The following USP30 variants were observed in gnomAD, a reference collection of about 807,000 sequenced individuals.
The protein encoded by USP30 is ubiquitin specific peptidase 30.
Under a neutral mutation model 68.2 loss-of-function variants are expected in USP30, and 41 were observed. The observed-to-expected ratio is 0.60, with a 90% CI of 0.47 to 0.78. The LOEUF is 0.78. USP30 is among the 30% of genes least tolerant of loss of function. USP30 has a pLI of 0.00. For missense variants in USP30, 522 were observed against 649.4 expected, an observed-to-expected ratio of 0.80 and a Z score of 2.13; for synonymous variants, 229 against 253.7, an observed-to-expected ratio of 0.90 and a Z score of 0.93.
chr12:109,054,729 CTG>C (rs1247532337), intron 1 of USP30: 1 of 152,144 alleles, frequency 6.6e-6, no homozygotes, highest in Non-Finnish European at 1.5e-5. Context: ...GATGAGGAAA[CTG>C]AGGCTTAGAA....
intron 6 of USP30, 30 bp downstream of exon 6, chr12:109,072,380 T>C: frequency 4.4e-6 from 7 of 1,599,380 alleles, no homozygotes; most frequent in Non-Finnish European, 6.0e-6. Context: ...ATATAACACA[T>C]AAGATGTGGA....
At chr12:109,060,320 TACTTCA>T (rs1264737770) in intron 3 of USP30, among the ~76,000 whole-genome samples, 32 of 152,362 alleles carry the variant, frequency 2.1e-4, no homozygotes, top group African/African-American at 7.7e-4. Flanking sequence ...AAAAAAACTA[TACTTCA>T]ACTTTTAACA....
chr12:109,046,841 T>G (rs2040609446), intron 3 of USP30, among the ~76,000 whole-genome samples: 1 of 152,076 alleles, frequency 6.6e-6, no homozygotes, highest in East Asian at 1.9e-4. Flanking sequence ...GGATTACAGG[T>G]GTGCGCCATC....
At chr12:109,033,678 C>G (rs1376341920) in intron 3 of USP30, among the ~76,000 whole-genome samples, 1 of 152,110 alleles carries the variant, frequency 6.6e-6, no homozygotes, top group Non-Finnish European at 1.5e-5. Flanking sequence ...GTCTGCTAGC[C>G]ATGCTGATGG....
chr12:109,059,124 G>GC (rs1275828743), intron 3 of USP30, among the ~76,000 whole-genome samples: 4 of 152,178 alleles, frequency 2.6e-5, no homozygotes, highest in African/African-American at 9.7e-5. Context: ...CTGAATGGTA[G>GC]CCCCCAACTT....
At chr12:109,031,785 GT>G (rs2040483283) in intron 3 of USP30, among the ~76,000 whole-genome samples, 1 of 152,140 alleles carries the variant, frequency 6.6e-6, no homozygotes, top group African/African-American at 2.4e-5. Flanking sequence ...CTTATATGAG[GT>G]CTCAAAAGTA....
chr12:109,025,182 G>T (rs1566073061), intron 2 of USP30: 2 of 152,224 alleles, frequency 1.3e-5, no homozygotes, highest in Admixed American at 1.3e-4. Context: ...GCCCCCTTGG[G>T]TTTTTGGGCC....
intron 7 of USP30, among the ~76,000 whole-genome samples, chr12:109,080,340 T>G (rs1407453778): frequency 6.6e-6 from 1 of 152,132 alleles, no homozygotes; most frequent in East Asian, 1.9e-4. Context: ...CACACAAATC[T>G]CGCCCACAGA....
chr12:109,071,273 G>A (rs888875782), intron 4 of USP30, among the ~76,000 whole-genome samples: 1 of 152,072 alleles, frequency 6.6e-6, no homozygotes, highest in African/African-American at 2.4e-5. Flanking sequence ...TAAATGTTAT[G>A]ATATGTGTAT....
chr12:109,078,911 A>G (rs926673225), intron 7 of USP30, among the ~76,000 whole-genome samples: 1 of 152,112 alleles, frequency 6.6e-6, no homozygotes, highest in African/African-American at 2.4e-5. Flanking sequence ...CTTTAAGGAC[A>G]TTGTTCTATT....
intron 3 of USP30, among the ~76,000 whole-genome samples, chr12:109,058,801 G>A (rs183034184): frequency 3.3e-5 from 5 of 152,208 alleles, no homozygotes; most frequent in Middle Eastern, 3.4e-3. Flanking sequence ...TGTTCGACTC[G>A]ACCATCATCA....
chr12:109,065,263 C>T lies in USP30; in HGVS notation c.377-2261C>T, dbSNP rs576287710. ...CTCTAGCAGTACTGGTCTAGTGTAA[C>T]ATGCTGGGAAGGAGGGTGGCCAAGA... On this transcript the variant is annotated intron_variant, in intron 3 of 12. Transcript: ENST00000257548. 3.3e-5 allele frequency among the ~76,000 whole-genome samples: 5 copies of T among 152,320 alleles called. No individual in the cohort carries two copies. In the East Asian group the frequency reaches 7.7e-4, roughly 23 times the overall value.
At chr12:109,038,309 T>C (rs2040536895) in intron 3 of USP30, among the ~76,000 whole-genome samples, 1 of 151,536 alleles carries the variant, frequency 6.6e-6, no homozygotes, top group African/African-American at 2.4e-5. Flanking sequence ...ATCAGCTCCA[T>C]CCATGTCTCT....
intron 2 of USP30, chr12:109,027,409 A>G (rs969843290): frequency 2.6e-5 from 4 of 152,196 alleles, no homozygotes; most frequent in Non-Finnish European, 4.4e-5. Flanking sequence ...AGTGGCTGGA[A>G]CTACAGGTGC....
intron 3 of USP30, among the ~76,000 whole-genome samples, chr12:109,060,484 G>A (rs558359306): frequency 6.6e-6 from 1 of 152,186 alleles, no homozygotes; most frequent in African/African-American, 2.4e-5. Context: ...TGGAAGAGGT[G>A]ACTTGGGAAT....
In USP30 at chr12:109,054,983, C is replaced by T. The variant is rs550654697; in HGVS notation, c.84-1699C>T. On this transcript the variant is annotated intron_variant, in intron 1 of 12. Coordinates refer to ENST00000257548, the MANE Select transcript of USP30 (RefSeq NM_032663.5). ...ACTGAACTGAAATCAAAACAATATT[C>T]ACATGATCCAAATACTGGGATAATA... 1.2e-4 allele frequency among the ~76,000 whole-genome samples: 18 copies of T among 152,242 alleles called. No individual in the cohort carries two copies. In the South Asian group the frequency reaches 3.7e-3, roughly 32 times the overall value.
At chr12:109,031,376 C>T (rs1452345711) in intron 3 of USP30, among the ~76,000 whole-genome samples, 1 of 152,206 alleles carries the variant, frequency 6.6e-6, no homozygotes, top group African/African-American at 2.4e-5. Flanking sequence ...TTCCAGAGCA[C>T]ATCATCTTCA....
intron 12 of USP30, among the ~76,000 whole-genome samples, chr12:109,085,350 A>T (rs1249538166): frequency 1.3e-5 from 2 of 152,216 alleles, no homozygotes; most frequent in Admixed American, 6.5e-5. Flanking sequence ...TTCTTGGGAT[A>T]CCATCTAGAG....
intron 3 of USP30, among the ~76,000 whole-genome samples, chr12:109,064,088 G>A (rs987839785): frequency 6.6e-6 from 1 of 151,920 alleles, no homozygotes; most frequent in African/African-American, 2.4e-5. Context: ...TGGCCAGGAT[G>A]GTCTCGATCT....
Sources: allele counts gnomAD v4.1 joint callset (sites outside exome capture counted in the v4.1 genomes callset), GRCh38; gene constraint gnomAD v4.1.1; transcripts MANE v1.5; gene names NCBI Gene and HGNC (gene_info 2026-07-23, HGNC 2026-07-21).